The following ELF1 variants were observed in gnomAD, a reference collection of about 807,000 sequenced individuals.
ELF1 encodes E74 like ETS transcription factor 1.
A neutral mutation model predicts 59.9 loss-of-function variants in ELF1; 24 were observed. That is an observed-to-expected ratio of 0.40 (90% CI 0.29 to 0.56). The LOEUF (loss-of-function observed/expected upper bound fraction) is 0.56. ELF1 is among the 20% of genes least tolerant of loss of function. ELF1 has a pLI of 0.44. For missense variants in ELF1, 627 were observed against 742.2 expected (o/e 0.84, Z 1.80); for synonymous variants, 248 against 266.2 (o/e 0.93, Z 0.67).
chr13:40,937,723 C>T (rs752679080), intron 8 of ELF1, among the ~76,000 whole-genome samples: 6 of 152,238 alleles, frequency 3.9e-5, no homozygotes, highest in Non-Finnish European at 7.3e-5. Context: ...CCCGCCTCGG[C>T]CTCCCACAGT....
chr13:41,040,665 T>C (rs1212197513), intron 1 of ELF1, among the ~76,000 whole-genome samples: 2 of 152,146 alleles, frequency 1.3e-5, no homozygotes, highest in South Asian at 4.1e-4. Context: ...AATCTAATGC[T>C]GCTGCTGATC....
rs140868738 is a variant in ELF1 at position 41,034,900 on chromosome 13, C to T, written c.-229+25938G>A. On this transcript the variant is annotated intron_variant, in intron 1 of 1. Transcript: ENST00000405737. ...CTGTCTACCTTATCATGCCTTACCT[C>T]GGCATTCTACGCCCCCAGCATATAC... Among the ~76,000 whole-genome samples, 262 of 152,030 alleles carry T rather than the reference C, an allele frequency of 1.7e-3. 1 individual carries two copies. Among genetic ancestry groups the T allele is most frequent in the African/African-American group, 6.1e-3 (251 of 41,462 alleles).
chr13:40,976,963 C>G (rs1221268774), intron 2 of ELF1, among the ~76,000 whole-genome samples: 1 of 152,070 alleles, frequency 6.6e-6, no homozygotes, highest in Non-Finnish European at 1.5e-5. Context: ...ATTTGTTGTT[C>G]CACATGTTCA....
In ELF1 at chr13:41,041,544, G is replaced by A. The variant is rs114582494; in HGVS notation, c.-229+19294C>T. ...AGAAAGATTAGCCGGGTGTGGTGAC[G>A]CGCACCTGTAGTCCCACCTACTTCA... On this transcript the variant is annotated intron_variant, in intron 1 of 1. Coordinates refer to the ELF1 transcript ENST00000405737. Among the ~76,000 whole-genome samples the A allele has an allele frequency of 3.1e-3, 479 of 152,152 alleles. 2 individuals are homozygous for A. Among genetic ancestry groups the A allele is most frequent in the African/African-American group, 0.011 (454 of 41,518 alleles).
At chr13:40,997,153 T>C (rs1028065715) in intron 1 of ELF1, among the ~76,000 whole-genome samples, 1 of 152,222 alleles carries the variant, frequency 6.6e-6, no homozygotes, top group African/African-American at 2.4e-5. Context: ...TGAAAGACTT[T>C]ATGATTCCTT....
intron 1 of ELF1, among the ~76,000 whole-genome samples, chr13:41,033,017 A>T (rs1011581715): frequency 6.6e-6 from 1 of 152,164 alleles, no homozygotes; most frequent in Non-Finnish European, 1.5e-5. Flanking sequence ...TTAGCCCCCA[A>T]AATGATTTTT....
At chr13:41,054,263 G>A (rs1472036230) in intron 1 of ELF1, among the ~76,000 whole-genome samples, 3 of 152,140 alleles carry the variant, frequency 2.0e-5, no homozygotes, top group African/African-American at 7.2e-5. Flanking sequence ...AAAAAATTCA[G>A]AGAAAAAATT....
At chr13:41,045,479 G>C (rs1876804410) in intron 1 of ELF1, among the ~76,000 whole-genome samples, 1 of 152,096 alleles carries the variant, frequency 6.6e-6, no homozygotes, top group Non-Finnish European at 1.5e-5. Context: ...CAGAGATTCT[G>C]GTATGTTGTG....
chr13:40,947,734 C>T (rs567058538), intron 5 of ELF1, among the ~76,000 whole-genome samples: 106 of 152,214 alleles, frequency 7.0e-4, no homozygotes, highest in Non-Finnish European at 1.4e-3. Context: ...GATAAAGCCC[C>T]GTTGAAGCTG....
At chr13:41,010,117 T>C (rs926051327) in intron 1 of ELF1, among the ~76,000 whole-genome samples, 1 of 149,952 alleles carries the variant, frequency 6.7e-6, no homozygotes, top group African/African-American at 2.4e-5. Context: ...TAAATATACA[T>C]GCTTTGGGCC....
At chr13:40,997,669 G>A (rs542335094) in intron 1 of ELF1, among the ~76,000 whole-genome samples, 1 of 152,208 alleles carries the variant, frequency 6.6e-6, no homozygotes, top group East Asian at 1.9e-4. Flanking sequence ...TGGGATTACA[G>A]GTGTGAGCCA....
intron 1 of ELF1, among the ~76,000 whole-genome samples, chr13:41,003,596 A>G (rs1439132722): frequency 6.6e-6 from 1 of 152,186 alleles, no homozygotes; most frequent in African/African-American, 2.4e-5. Context: ...TAACCCTCCA[A>G]TCACTGAGGC....
chr13:40,984,604 C>T (rs937144182), intron 1 of ELF1, among the ~76,000 whole-genome samples: 3 of 152,016 alleles, frequency 2.0e-5, no homozygotes, highest in African/African-American at 4.8e-5. Flanking sequence ...GCTATTTCTA[C>T]AAATATCCTT....
chr13:41,038,587 T>G (rs1309322117), intron 1 of ELF1, among the ~76,000 whole-genome samples: 1 of 152,308 alleles, frequency 6.6e-6, no homozygotes, highest in Middle Eastern at 3.4e-3. Context: ...AGTTTGTTCA[T>G]CAAATGGCAT....
In ELF1 at chr13:40,982,085, A is replaced by T. The variant is rs370025807; in HGVS notation, c.-31T>A. 2.5e-6 allele frequency: 4 copies of T among 1,596,778 alleles called. No homozygotes were observed. In the African/African-American group the frequency reaches 5.4e-5, roughly 22 times the overall value. ...AGCATTCCCCTTAGATCCACATGAGAAAAATTCCAAGAAGATTCACGTATC... is the reference window on the plus strand; with the variant it reads ...AGCATTCCCCTTAGATCCACATGAGTAAAATTCCAAGAAGATTCACGTATC... On this transcript the variant is annotated 5_prime_UTR_variant, in exon 2 of 9. Transcript: ENST00000239882.
intron 1 of ELF1, among the ~76,000 whole-genome samples, chr13:41,033,740 C>T (rs1310933582): frequency 2.0e-5 from 3 of 152,170 alleles, no homozygotes; most frequent in Non-Finnish European, 2.9e-5. Context: ...TGAAACCATC[C>T]CACCAACTTC....
At chr13:40,949,676 A>G (rs1870724881) in intron 5 of ELF1, 130 bp downstream of exon 5, 1 of 1,171,188 alleles carries the variant, frequency 8.5e-7, no homozygotes. Context: ...CATAATTTCC[A>G]TTTTGTGCCT....
chr13:41,054,862 T>C (rs1877228391), intron 1 of ELF1, among the ~76,000 whole-genome samples: 1 of 152,204 alleles, frequency 6.6e-6, no homozygotes, highest in Admixed American at 6.5e-5. Flanking sequence ...ATTAAAACAT[T>C]CCTCGTATTA....
chr13:41,034,062 A>C (rs151233240), intron 1 of ELF1, among the ~76,000 whole-genome samples: 1 of 152,204 alleles, frequency 6.6e-6, no homozygotes, highest in Non-Finnish European at 1.5e-5. Flanking sequence ...AAATAAAATG[A>C]AATTTTAAAA....
Sources: allele counts gnomAD v4.1 joint callset (sites outside exome capture counted in the v4.1 genomes callset), GRCh38; gene constraint gnomAD v4.1.1; transcripts MANE v1.5; gene names NCBI Gene and HGNC (gene_info 2026-07-23, HGNC 2026-07-21).